The following NLGN4X variants were observed in gnomAD, a reference collection of about 807,000 sequenced individuals.
NLGN4X encodes neuroligin 4 X-linked, also known as neuroligin-4, X-linked.
NLGN4X carries 3 observed loss-of-function variants against 40.3 expected under a neutral mutation model. The observed-to-expected ratio is 0.07, with a 90% confidence interval of 0.03 to 0.19. The LOEUF is 0.19. NLGN4X is among the 10% of genes least tolerant of loss of function. The probability of loss-of-function intolerance (pLI) is 1.00; values close to 1 mark genes in which losing one functional copy is unlikely to be tolerated. For synonymous variants in NLGN4X, 270 were observed against 306.8 expected, an observed-to-expected ratio of 0.88 and a Z score of 1.25; for missense variants, 382 against 708.3, an observed-to-expected ratio of 0.54 and a Z score of 5.23.
chrX:6,225,013 C>T (rs545189614), intron 1 of NLGN4X, among the ~76,000 whole-genome samples: 7,080 of 46,286 alleles, frequency 0.15, 557 homozygotes, highest in African/African-American at 0.38. Flanking sequence ...TATATATATA[C>T]ACACACACAC....
At chrX:5,914,630 ATAT>A (rs1390287893) in intron 3 of NLGN4X, among the ~76,000 whole-genome samples, 1 of 108,597 alleles carries the variant, frequency 9.2e-6, no homozygotes, top group Non-Finnish European at 1.9e-5. Context: ...ATATATATAT[ATAT>A]ATGCATATAT....
intron 4 of NLGN4X, among the ~76,000 whole-genome samples, chrX:5,906,972 C>T (rs929119240): frequency 3.6e-5 from 4 of 110,126 alleles, no homozygotes; most frequent in African/African-American, 3.3e-5. Flanking sequence ...CCCAGCAACT[C>T]GGGAGGCTGA....
At chrX:6,116,076 G>A (rs2039272966) in intron 2 of NLGN4X, among the ~76,000 whole-genome samples, 1 of 108,574 alleles carries the variant, frequency 9.2e-6, no homozygotes, top group South Asian at 4.1e-4. Context: ...GGTGCATCAG[G>A]AGGTCAGGAG....
At position 5,892,124 on chromosome X, in the gene NLGN4X, A is replaced by C. The variant is rs1327069948; in HGVS notation, c.*693T>G. 2.5e-5 allele frequency: 3 copies of C among 118,602 alleles called. No homozygotes were observed. Among genetic ancestry groups the C allele is most frequent in the Non-Finnish European group, 5.2e-5 (3 of 58,135 alleles). 9.8% of individuals were successfully genotyped at this position (118,602 alleles called of 1,213,427 possible). A position where few individuals can be genotyped will look rare whatever the true frequency, so the allele number is the denominator to read the frequency against. ...TGCTAAAAGCTCTTTCAAAGTGAAA[A>C]CACCAATAAAAGCTTTTTTTCTTGT... is the stretch of plus-strand genomic sequence containing the variant. On this transcript the variant is annotated 3_prime_UTR_variant, in exon 6 of 6. Transcript: ENST00000381095.
chrX:6,021,180 A>G (rs1179967217), intron 3 of NLGN4X, among the ~76,000 whole-genome samples: 1 of 105,082 alleles, frequency 9.5e-6, no homozygotes, highest in Non-Finnish European at 1.9e-5. Context: ...GGCCTCAAGG[A>G]ATCCTCCCAC....
At chrX:6,126,734 A>G (rs2039556005) in intron 2 of NLGN4X, among the ~76,000 whole-genome samples, 1 of 112,376 alleles carries the variant, frequency 8.9e-6, no homozygotes, top group African/African-American at 3.2e-5. Flanking sequence ...CAACATTTCA[A>G]TAAATACAAT....
intron 1 of NLGN4X, among the ~76,000 whole-genome samples, chrX:6,194,979 AT>A (rs1347532714): frequency 2.7e-5 from 3 of 109,947 alleles, no homozygotes; most frequent in Non-Finnish European, 5.7e-5. Flanking sequence ...AATAATAGTT[AT>A]TTTTTTATTT....
At chrX:6,104,826 G>A (rs1329496046) in intron 2 of NLGN4X, among the ~76,000 whole-genome samples, 2 of 111,121 alleles carry the variant, frequency 1.8e-5, no homozygotes, top group African/African-American at 6.5e-5. Context: ...TCAGGAGCAC[G>A]GACAATGTAT....
At chrX:6,052,261 G>A (rs1228140583) in intron 2 of NLGN4X, among the ~76,000 whole-genome samples, 4 of 111,702 alleles carry the variant, frequency 3.6e-5, no homozygotes, top group African/African-American at 1.3e-4. Flanking sequence ...ATGCCCAGAC[G>A]CCTGACCACA....
chrX:6,063,033 T>A (rs1473460931), intron 2 of NLGN4X, among the ~76,000 whole-genome samples: 1 of 111,066 alleles, frequency 9.0e-6, no homozygotes, highest in Admixed American at 9.6e-5. Context: ...CTTTTTCCCT[T>A]AGCTATTTCA....
At chrX:6,095,583 G>A (rs183464313) in intron 2 of NLGN4X, among the ~76,000 whole-genome samples, 119 of 112,522 alleles carry the variant, frequency 1.1e-3, no homozygotes, top group African/African-American at 3.7e-3. Context: ...TCACGTTCCT[G>A]TAATTCTGAT....
intron 4 of NLGN4X, among the ~76,000 whole-genome samples, chrX:5,906,745 C>A (rs1200375039): frequency 5.4e-5 from 6 of 111,298 alleles, no homozygotes. Context: ...AACTCCTGGG[C>A]TCAAGCCATC....
At chrX:5,909,672 CAT>C (rs936511804) in intron 3 of NLGN4X, among the ~76,000 whole-genome samples, 8 of 109,147 alleles carry the variant, frequency 7.3e-5, no homozygotes, top group Non-Finnish European at 1.1e-4. Flanking sequence ...CGTAAGTGCA[CAT>C]GTGTGTCTGT....
chrX:6,044,652 AGGACGGACTT>A (rs1240295200), intron 2 of NLGN4X, among the ~76,000 whole-genome samples: 8 of 111,095 alleles, frequency 7.2e-5, no homozygotes, highest in Admixed American at 2.9e-4. Context: ...CCTACTGTAA[AGGACGGACTT>A]TGGGTGATGA....
At chrX:6,095,970 G>A (rs1459236248) in intron 2 of NLGN4X, among the ~76,000 whole-genome samples, 1 of 112,419 alleles carries the variant, frequency 8.9e-6, no homozygotes, top group Non-Finnish European at 1.9e-5. Flanking sequence ...ATGGTTTGGA[G>A]TATCAGGGCA....
At chrX:6,075,719 T>G (rs1345367746) in intron 2 of NLGN4X, among the ~76,000 whole-genome samples, 1 of 111,096 alleles carries the variant, frequency 9.0e-6, no homozygotes, top group Non-Finnish European at 1.9e-5. Flanking sequence ...TTCTCTTGCT[T>G]CTTCTCTTGC....
At chrX:6,097,097 A>C (rs1038538522) in intron 2 of NLGN4X, among the ~76,000 whole-genome samples, 2 of 111,121 alleles carry the variant, frequency 1.8e-5, no homozygotes. Context: ...TATTAGGTGT[A>C]CACAAATTAA....
chrX:6,095,001 A>C (rs1040086961), intron 2 of NLGN4X, among the ~76,000 whole-genome samples: 5 of 110,004 alleles, frequency 4.5e-5, no homozygotes, highest in African/African-American at 1.7e-4. Flanking sequence ...ATTTTATCAA[A>C]TTTGCACATT....
chrX:6,001,331 A>T (rs1286478333), intron 3 of NLGN4X, among the ~76,000 whole-genome samples: 1 of 112,202 alleles, frequency 8.9e-6, no homozygotes, highest in East Asian at 2.8e-4. Context: ...AGTCAAATGG[A>T]GTACAACTAA....
Sources: allele counts gnomAD v4.1 joint callset (sites outside exome capture counted in the v4.1 genomes callset), GRCh38; gene constraint gnomAD v4.1.1; transcripts MANE v1.5; gene names NCBI Gene and HGNC (gene_info 2026-07-23, HGNC 2026-07-21).